The following POLR3A variants were observed in gnomAD, a reference collection of about 807,000 sequenced individuals.
The protein encoded by POLR3A is DNA-directed RNA polymerase III subunit RPC1.
POLR3A carries 112 observed loss-of-function variants against 152.8 expected under a neutral mutation model. The observed-to-expected ratio is 0.73, with a 90% CI of 0.63 to 0.86. POLR3A has a LOEUF of 0.86. Among genes scored for constraint, POLR3A ranks in the 40% least tolerant of loss-of-function variants. The probability of loss-of-function intolerance (pLI) is 0.00; values close to 1 mark genes in which losing one functional copy is unlikely to be tolerated. For missense variants in POLR3A, 1,385 were observed against 1,743.1 expected (o/e 0.79, Z 3.66); for synonymous variants, 615 against 652.1 (o/e 0.94, Z 0.87).
intron 11 of POLR3A, among the ~76,000 whole-genome samples, chr10:78,011,648 C>G (rs1847467493): frequency 6.6e-6 from 1 of 152,162 alleles, no homozygotes; most frequent in Non-Finnish European, 1.5e-5. Context: ...TTTAGAGACT[C>G]TCTCTGAGGT....
rs1321830109 is a variant in POLR3A, at chr10:77,977,555, C to T, written c.4096G>A (p.Ala1366Thr). 2 of 1,613,948 alleles carry T rather than the reference C, an allele frequency of 1.2e-6. No homozygotes were observed. Among genetic ancestry groups the T allele is most frequent in the East Asian group, 4.5e-5 (2 of 44,868 alleles). The change falls in exon 31 of 31, where the codon GCT becomes ACT. Residue 1366 changes from alanine (A) to threonine (T), a missense_variant. Around this residue, in one of 7 missense-constraint regions of POLR3A, gnomAD observed 332 missense variants for 400.1 expected, o/e 0.83. Coordinates refer to ENST00000372371, the MANE Select transcript of POLR3A (RefSeq NM_007055.4). ...TTGGGAGGGTTCGGGTCCCTGTCAG[C>T]CTTGTGAAGCAGCTTGAAGAGCCCG... ...GTGLFKLLHKADRDPNPPKRP... is the reference protein window; with the variant it reads ...GTGLFKLLHKTDRDPNPPKRP...
intron 19 of POLR3A, 105 bp from the exon 20 acceptor site, chr10:77,993,472 T>A (rs1027012947): frequency 2.4e-6 from 2 of 842,082 alleles, no homozygotes; most frequent in Non-Finnish European, 4.0e-6. Context: ...AGCACTTTAA[T>A]CACATAAAAA....
intron 10 of POLR3A, among the ~76,000 whole-genome samples, chr10:78,014,523 TCTC>T (rs1847500619): frequency 6.6e-6 from 1 of 151,996 alleles, no homozygotes; most frequent in African/African-American, 2.4e-5. Context: ...TTCAAGCAAT[TCTC>T]CTGCCTCAGC....
At position 78,025,344 on chromosome 10, in the gene POLR3A, G is replaced by C. The variant is rs187963778; in HGVS notation, c.319-202C>G. Among the ~76,000 whole-genome samples the C allele has an allele frequency of 1.7e-3, 256 of 152,236 alleles. 1 individual carries two copies. Among genetic ancestry groups the C allele is most frequent in the African/African-American group, 5.8e-3 (239 of 41,538 alleles). Reference sequence around the variant, plus strand: ...TACTCACAGCCAGTAGGCAGACTTTGTTACCTTTATCTTTTTCTTTGTGCT... The same window carrying C: ...TACTCACAGCCAGTAGGCAGACTTTCTTACCTTTATCTTTTTCTTTGTGCT... On this transcript the variant is annotated intron_variant, in intron 3 of 30. Transcript: ENST00000372371.
intron 8 of POLR3A, 138 bp downstream of exon 8, chr10:78,021,408 C>T: frequency 1.3e-6 from 1 of 778,670 alleles, no homozygotes; most frequent in Non-Finnish European, 2.2e-6. Context: ...ACTGGGAAGA[C>T]ACATACACTC....
intron 23 of POLR3A, 34 bp downstream of exon 23, chr10:77,985,869 G>A (rs1564614198): frequency 6.6e-7 from 1 of 1,512,052 alleles, no homozygotes. Context: ...GACCTATGTG[G>A]ATGACCGTCA....
chr10:78,005,618 A>G (rs189873092), intron 15 of POLR3A, among the ~76,000 whole-genome samples: 1 of 152,380 alleles, frequency 6.6e-6, no homozygotes, highest in African/African-American at 2.4e-5. Flanking sequence ...ATGGGCCTGG[A>G]AAGGCTCAGA....
At chr10:77,996,000 A>C (rs1293586572) in intron 19 of POLR3A, among the ~76,000 whole-genome samples, 2 of 152,208 alleles carry the variant, frequency 1.3e-5, no homozygotes, top group Admixed American at 6.5e-5. Flanking sequence ...ACTCAGGATT[A>C]AGAAACTCAC....
chr10:78,027,178 G>T (rs865827759), intron 1 of POLR3A, among the ~76,000 whole-genome samples: 1 of 152,202 alleles, frequency 6.6e-6, no homozygotes, highest in African/African-American at 2.4e-5. Context: ...AGAAGGAAGA[G>T]CATCTGAAGT....
chr10:77,999,530 T>C (rs536868739), intron 19 of POLR3A, among the ~76,000 whole-genome samples: 2 of 152,278 alleles, frequency 1.3e-5, no homozygotes, highest in African/African-American at 4.8e-5. Context: ...TCTGAGGAAA[T>C]GCTTTCCTTC....
intron 20 of POLR3A, 95 bp downstream of exon 20, chr10:77,993,102 A>G (rs1390681395): frequency 2.2e-6 from 2 of 917,246 alleles, no homozygotes; most frequent in Non-Finnish European, 3.7e-6. Flanking sequence ...ATACTGAAGT[A>G]TTTATTAACT....
intron 1 of POLR3A, among the ~76,000 whole-genome samples, chr10:78,028,376 TGTC>T (rs1228506891): frequency 6.6e-6 from 1 of 152,216 alleles, no homozygotes; most frequent in Non-Finnish European, 1.5e-5. Context: ...TCATTGCACT[TGTC>T]GTACCCAGTG....
intron 1 of POLR3A, among the ~76,000 whole-genome samples, chr10:78,027,614 G>A (rs531212415): frequency 2.0e-5 from 3 of 151,994 alleles, no homozygotes; most frequent in East Asian, 1.9e-4. Flanking sequence ...GCAGTGGTGC[G>A]ATCTCAGCTC....
chr10:77,984,900 A>T (rs1847183241), intron 24 of POLR3A, among the ~76,000 whole-genome samples: 1 of 152,180 alleles, frequency 6.6e-6, no homozygotes, highest in South Asian at 2.1e-4. Flanking sequence ...CATTGCTCCA[A>T]TTTTTCCAGT....
Position 78,007,768 on chromosome 10 carries a change from C to T in POLR3A, c.2008G>A (p.Asp670Asn). ...KNNIFYILLR[D>N]WGQNEAADAM... ...TCTGCAGCTTCATTCTGTCCCCAGTCTCGCAGCAAAATGTAAAAAATATTG... is the reference window on the plus strand; with the variant it reads ...TCTGCAGCTTCATTCTGTCCCCAGTTTCGCAGCAAAATGTAAAAAATATTG... Residue 670 changes from aspartate to asparagine, a missense_variant, in exon 15 of 31, where the codon GAC (aspartate) becomes AAC (asparagine). Coordinates refer to ENST00000372371, the MANE Select transcript of POLR3A (RefSeq NM_007055.4). 6.2e-7 allele frequency: 1 copy of T among 1,614,160 alleles called. No homozygotes were observed. Among genetic ancestry groups the T allele is most frequent in the South Asian group, 1.1e-5 (1 of 91,082 alleles).
chr10:78,023,157 T>TA lies in POLR3A; in HGVS notation c.646-774dup, dbSNP rs879560488. On this transcript the variant is annotated intron_variant, in intron 5 of 30. Transcript: ENST00000372371. ...TAAGCAGTAAGAGTGAAATTCCATC[T>TA]AAAAAAAAAAAAAGTGTTACTGGCT... 1.2e-3 allele frequency among the ~76,000 whole-genome samples: 165 copies of TA among 132,642 alleles called. 1 individual carries two copies. Among genetic ancestry groups the TA allele is most frequent in the Middle Eastern group, 4.5e-3 (1 of 220 alleles). The allele number at this position is 132,642 out of a possible 152,430, so 87.0% of individuals were successfully genotyped here.
chr10:78,020,855 T>G (rs554385400), intron 8 of POLR3A, among the ~76,000 whole-genome samples: 2 of 152,304 alleles, frequency 1.3e-5, no homozygotes, highest in South Asian at 4.1e-4. Context: ...TCAAATGCTT[T>G]GACTCAGTGA....
chr10:78,017,737 A>G (rs768753930), intron 9 of POLR3A, 21 bp from the exon 10 acceptor site: 6 of 1,613,862 alleles, frequency 3.7e-6, no homozygotes, highest in South Asian at 1.1e-5. Flanking sequence ...AACAATAAAC[A>G]TGATCTGTGA....
At chr10:78,020,330 T>C (rs1307332451) in intron 8 of POLR3A, among the ~76,000 whole-genome samples, 1 of 151,780 alleles carries the variant, frequency 6.6e-6, no homozygotes, top group African/African-American at 2.4e-5. Flanking sequence ...CTAAAAAATT[T>C]TTTTAAAAAA....
Sources: gnomAD v4.1 joint callset for allele counts (sites outside exome capture counted in the v4.1 genomes callset) on GRCh38, gnomAD v4.1.1 for gene constraint, gnomAD v4.1.1 regional missense constraint, MANE v1.5 for transcripts, NCBI Gene and HGNC (gene_info 2026-07-23, HGNC 2026-07-21) for gene names.